Variants in XXYLT1 observed in about 807,000 individuals in gnomAD.
The protein encoded by XXYLT1 is xyloside xylosyltransferase 1, also known as UDP-xylose:alpha-xyloside alpha-1,3-xylosyltransferase.
In XXYLT1, 20 loss-of-function variants were observed where a neutral mutation model predicts 28.9. The ratio of observed to expected loss-of-function variants is 0.69; its 90% CI spans 0.49 to 1.00. The LOEUF is 1.00. Among genes scored for constraint, XXYLT1 ranks in the 50% least tolerant of loss-of-function variants. The pLI, the probability that XXYLT1 is intolerant of heterozygous loss-of-function variation, is 0.00. For missense variants in XXYLT1, 542 were observed against 560.1 expected (o/e 0.97, Z 0.33); for synonymous variants, 257 against 253.8 (o/e 1.01, Z -0.12).
intron 2 of XXYLT1, among the ~76,000 whole-genome samples, chr3:195,219,239 G>A (rs1042928875): frequency 4.0e-5 from 6 of 151,848 alleles, no homozygotes; most frequent in East Asian, 1.9e-4. Flanking sequence ...TGGGTGCAGC[G>A]CACCAGCATG....
At chr3:195,117,408 G>C (rs908024194) in intron 3 of XXYLT1, among the ~76,000 whole-genome samples, 1 of 152,208 alleles carries the variant, frequency 6.6e-6, no homozygotes, top group African/African-American at 2.4e-5. Flanking sequence ...ATTTTTCTAT[G>C]AAGTACTGAT....
intron 3 of XXYLT1, among the ~76,000 whole-genome samples, chr3:195,099,043 G>C (rs934501923): frequency 6.6e-6 from 1 of 152,222 alleles, no homozygotes; most frequent in African/African-American, 2.4e-5. Flanking sequence ...TTCCAAAGCT[G>C]TGGATACCAA....
intron 2 of XXYLT1, among the ~76,000 whole-genome samples, chr3:195,158,189 C>T (rs1720701477): frequency 6.6e-6 from 1 of 152,184 alleles, no homozygotes. Context: ...GCCATCTAAA[C>T]TCTACTTATT....
chr3:195,220,210 A>C (rs970631373), intron 2 of XXYLT1, among the ~76,000 whole-genome samples: 2 of 152,086 alleles, frequency 1.3e-5, no homozygotes, highest in East Asian at 1.9e-4. Flanking sequence ...GGTGCTATCT[A>C]GGCTCACTGC....
intron 2 of XXYLT1, among the ~76,000 whole-genome samples, chr3:195,186,597 G>A (rs1722205010): frequency 6.6e-6 from 1 of 152,088 alleles, no homozygotes; most frequent in African/African-American, 2.4e-5. Flanking sequence ...ACTGTCTGGA[G>A]GAAGTCTTTA....
chr3:195,110,178 G>A (rs1263743872), intron 3 of XXYLT1, among the ~76,000 whole-genome samples: 5 of 68,114 alleles, frequency 7.3e-5, no homozygotes, highest in Admixed American at 1.6e-4. Flanking sequence ...GTCTGAGTAT[G>A]TGTGTGTGTG....
At chr3:195,211,003 T>C (rs1214974592) in intron 2 of XXYLT1, among the ~76,000 whole-genome samples, 2 of 152,226 alleles carry the variant, frequency 1.3e-5, no homozygotes, top group African/African-American at 4.8e-5. Flanking sequence ...TTCAAGCTCC[T>C]GGTTGTGACT....
chr3:195,099,256 A>T (rs1025670415), intron 3 of XXYLT1, among the ~76,000 whole-genome samples: 4 of 152,146 alleles, frequency 2.6e-5, no homozygotes, highest in African/African-American at 9.7e-5. Context: ...CACACATACG[A>T]GGTTGACCCT....
intron 2 of XXYLT1, among the ~76,000 whole-genome samples, chr3:195,183,229 A>G (rs745559141): frequency 2.0e-5 from 3 of 152,138 alleles, no homozygotes; most frequent in African/African-American, 4.8e-5. Context: ...ACCCCCACGC[A>G]TCGTGAGAGG....
chr3:195,164,568 C>T (rs1346225683), intron 2 of XXYLT1, among the ~76,000 whole-genome samples: 1 of 152,250 alleles, frequency 6.6e-6, no homozygotes, highest in African/African-American at 2.4e-5. Context: ...CAAGGAGGAC[C>T]AGGCCAGAGG....
intron 2 of XXYLT1, among the ~76,000 whole-genome samples, chr3:195,223,937 A>T (rs1465401237): frequency 2.0e-5 from 3 of 152,160 alleles, no homozygotes; most frequent in Admixed American, 6.5e-5. Context: ...CGGGCGGATC[A>T]TCTGAGGTCA....
At chr3:195,220,790 C>A (rs1346837997) in intron 2 of XXYLT1, among the ~76,000 whole-genome samples, 1 of 152,230 alleles carries the variant, frequency 6.6e-6, no homozygotes, top group Non-Finnish European at 1.5e-5. Flanking sequence ...GAGGCAGACA[C>A]TACCAGCAGG....
intron 2 of XXYLT1, among the ~76,000 whole-genome samples, chr3:195,200,799 G>A (rs987341043): frequency 6.6e-6 from 1 of 152,210 alleles, no homozygotes; most frequent in Admixed American, 6.5e-5. Flanking sequence ...TGGGCCACAA[G>A]AAGGAATGCT....
intron 1 of XXYLT1, among the ~76,000 whole-genome samples, chr3:195,268,719 G>A (rs1056237165): frequency 2.0e-5 from 3 of 152,166 alleles, no homozygotes; most frequent in Non-Finnish European, 2.9e-5. Flanking sequence ...AACAGAGGAG[G>A]TATCAGTTCC....
At chr3:195,190,493 CAAAAAAAAAAAAAAAAA>C (rs57722997) in intron 2 of XXYLT1, among the ~76,000 whole-genome samples, 1 of 34,986 alleles carries the variant, frequency 2.9e-5, no homozygotes, top group Non-Finnish European at 8.6e-5. Flanking sequence ...GACTCTGTCT[CAAAAAAAAAAAAAAAAA>C]AAAAAAAAAC....
At chr3:195,251,347 G>A (rs896502534) in intron 1 of XXYLT1, among the ~76,000 whole-genome samples, 1 of 152,240 alleles carries the variant, frequency 6.6e-6, no homozygotes, top group African/African-American at 2.4e-5. Context: ...TGACAGGGAA[G>A]GCGGGGCCCA....
At chr3:195,114,606 T>C (rs984396343) in intron 3 of XXYLT1, among the ~76,000 whole-genome samples, 4 of 152,180 alleles carry the variant, frequency 2.6e-5, no homozygotes, top group African/African-American at 9.7e-5. Flanking sequence ...CTCATGACAG[T>C]GCTGGGAGGA....
At chr3:195,188,928 G>A (rs572849763) in intron 2 of XXYLT1, among the ~76,000 whole-genome samples, 21 of 152,288 alleles carry the variant, frequency 1.4e-4, no homozygotes, top group Non-Finnish European at 2.6e-4. Context: ...GTTTAAGCTC[G>A]GCGCTAGCTT....
chr3:195,206,639 C>T (rs1015855969), intron 2 of XXYLT1, among the ~76,000 whole-genome samples: 6 of 151,526 alleles, frequency 4.0e-5, no homozygotes, highest in South Asian at 4.2e-4. Flanking sequence ...CGTGGTGGCA[C>T]GTGCCTGTAA....
Sources: gnomAD v4.1 joint callset for allele counts (sites outside exome capture counted in the v4.1 genomes callset) on GRCh38, gnomAD v4.1.1 for gene constraint, MANE v1.5 for transcripts, NCBI Gene and HGNC (gene_info 2026-07-23, HGNC 2026-07-21) for gene names.